HERC2: variants seen among roughly 807,000 people sequenced by gnomAD.
HERC2 encodes E3 ubiquitin-protein ligase HERC2.
HERC2 carries 102 observed loss-of-function variants against 537.7 expected under a neutral mutation model. The ratio of observed to expected loss-of-function variants is 0.19; its 90% CI spans 0.16 to 0.22. HERC2 has a LOEUF of 0.22. Ranked by LOEUF, HERC2 falls within the 10% of genes least tolerant of loss-of-function variation. The probability of loss-of-function intolerance (pLI) is 1.00; values close to 1 mark genes in which losing one functional copy is unlikely to be tolerated. For synonymous variants in HERC2, 2,224 were observed against 2,466.2 expected, an observed-to-expected ratio of 0.90 and a Z score of 2.91; for missense variants, 4,236 against 6,198.2, an observed-to-expected ratio of 0.68 and a Z score of 10.63.
chr15:28,125,247 T>C (rs1889348743), intron 83 of HERC2, 54 bp from the exon 84 acceptor site: 1 of 1,417,800 alleles, frequency 7.1e-7, no homozygotes, highest in Admixed American at 1.7e-5. Flanking sequence ...AACAAACGCA[T>C]GGCTGCCAGT....
intron 4 of HERC2, among the ~76,000 whole-genome samples, chr15:28,291,072 AAG>A (rs1293041156): frequency 5.9e-5 from 9 of 152,260 alleles, no homozygotes; most frequent in Admixed American, 1.3e-4. Context: ...TCCAAACGGA[AAG>A]AGAGAAAATA....
At chr15:28,219,404 G>C (rs1278591638) in intron 37 of HERC2, among the ~76,000 whole-genome samples, 1 of 152,258 alleles carries the variant, frequency 6.6e-6, no homozygotes. Context: ...AGGCAAGGGA[G>C]GCTGAGGGAG....
chr15:28,152,661 G>C lies in HERC2; in HGVS notation c.10900+16C>G. ...TGGGAAAGGCTGCAGCTCCCCGCTG[G>C]GGCCAGCCCCTGTACCTGGTATCTT... is the stretch of plus-strand genomic sequence containing the variant. On this transcript the variant is annotated intron_variant, in intron 70 of 92. Coordinates refer to ENST00000261609, the MANE Select transcript of HERC2 (RefSeq NM_004667.6). The C allele has an allele frequency of 2.6e-6, 4 of 1,528,230 alleles. No individual in the cohort carries two copies. The highest frequency in any genetic ancestry group is 2.7e-6 in the Non-Finnish European group (3 of 1,131,618). 94.7% of individuals were successfully genotyped at this position (1,528,230 alleles called of 1,614,324 possible).
rs765535190 is a variant in HERC2 at position 28,142,258 on chromosome 15, G to C, written c.11680C>G (p.Pro3894Ala). The change falls in exon 76 of 93, where the codon CCC (proline) becomes GCC (alanine). Residue 3894 changes from proline to alanine, a missense_variant. Pro to Ala is a conservative substitution (Grantham distance 27). This residue lies in a region of HERC2 where 156 missense variants were observed against 172.3 expected (regional missense o/e 0.91). Transcript: ENST00000261609. ...AVALDKRTPLPRLFLDEVAKK... is the reference protein window; with the variant it reads ...AVALDKRTPLARLFLDEVAKK... ...AATACCTCATCAAGAAACAGACGGGGCAACGGTGTTCTTTTGTCAAGGGCC... is the reference window on the plus strand; with the variant it reads ...AATACCTCATCAAGAAACAGACGGGCCAACGGTGTTCTTTTGTCAAGGGCC... The C allele has an allele frequency of 1.9e-6, 3 of 1,614,176 alleles. No homozygotes were observed. Among genetic ancestry groups the C allele is most frequent in the Non-Finnish European group, 2.5e-6 (3 of 1,180,024 alleles).
chr15:28,151,121 T>C (rs1204989707), intron 70 of HERC2, among the ~76,000 whole-genome samples: 1 of 152,250 alleles, frequency 6.6e-6, no homozygotes, highest in Non-Finnish European at 1.5e-5. Flanking sequence ...TCAGTAATTA[T>C]ACTGATGTTG....
Position 28,256,271 on chromosome 15 carries a change from A to C in HERC2, c.2564T>G (p.Leu855Ter). The C allele has an allele frequency of 6.3e-7, 1 of 1,597,678 alleles. No homozygotes were observed. Among genetic ancestry groups the C allele is most frequent in the Non-Finnish European group, 8.5e-7 (1 of 1,179,746 alleles). ...GTTCAGGAGGATGCTGCCCAGACCT[A>C]AACCAAGGAATTCCGGGTCAACCTG... ...SHQVDPEFLG[L>*]GLGSILLNSL... Residue 855 changes from leucine (L) to a stop codon, truncating the protein, a stop_gained, in exon 18 of 93, where the codon TTA becomes TGA. Coordinates refer to ENST00000261609, the MANE Select transcript of HERC2 (RefSeq NM_004667.6). LOFTEE classifies it high-confidence loss of function.
chr15:28,283,032 C>CAAAAAAA (rs35092122), intron 4 of HERC2, among the ~76,000 whole-genome samples: 1 of 47,442 alleles, frequency 2.1e-5, no homozygotes, highest in African/African-American at 7.7e-5. Context: ...AATGTCCCAG[C>CAAAAAAA]AAAAAAAAAA....
chr15:28,321,121 T>G (rs1256070457), intron 2 of HERC2, among the ~76,000 whole-genome samples: 4 of 152,180 alleles, frequency 2.6e-5, no homozygotes, highest in African/African-American at 7.2e-5. Context: ...AAAAAAATTT[T>G]GCCTATTAAT....
chr15:28,146,487 T>A, intron 70 of HERC2, 143 bp from the exon 71 acceptor site: 1 of 640,848 alleles, frequency 1.6e-6, no homozygotes, highest in Non-Finnish European at 2.8e-6. Context: ...CATCTCAGAC[T>A]GACCACTCTT....
At chr15:28,294,722 C>T (rs548134431) in intron 3 of HERC2, among the ~76,000 whole-genome samples, 2 of 152,116 alleles carry the variant, frequency 1.3e-5, no homozygotes, top group African/African-American at 4.8e-5. Context: ...GTGCCTCCCA[C>T]AGCCCCTCGT....
At position 28,274,917 on chromosome 15, in the gene HERC2, C is replaced by A. The variant is rs765238372; in HGVS notation, c.631G>T (p.Ala211Ser). The part of the protein sequence containing the change: ...LSFAFAFLRR[A>S]WRSGEDADLC... ...CCAGGGACCGTACCTGATCGCCAGG[C>A]CCTGCGCAGGAAGGCAAAGGCAAAA... The change falls in exon 6 of 93, where the codon GCC (alanine) becomes TCC (serine). Residue 211 changes from alanine to serine, a missense_variant. Around this residue, in one of 27 missense-constraint regions of HERC2, gnomAD observed 491 missense variants for 559.3 expected, o/e 0.88. Coordinates refer to ENST00000261609, the MANE Select transcript of HERC2 (RefSeq NM_004667.6). 2.3e-5 allele frequency: 37 copies of A among 1,611,270 alleles called. No homozygotes were observed. Among genetic ancestry groups the A allele is most frequent in the Non-Finnish European group, 2.9e-5 (34 of 1,179,498 alleles).
intron 2 of HERC2, among the ~76,000 whole-genome samples, chr15:28,305,356 C>G (rs1472442230): frequency 1.3e-5 from 2 of 151,776 alleles, no homozygotes; most frequent in Admixed American, 1.3e-4. Context: ...CAGAACAGAG[C>G]CCTCAGAAAT....
At chr15:28,218,049 C>T (rs1158034870) in intron 38 of HERC2, among the ~76,000 whole-genome samples, 2 of 151,826 alleles carry the variant, frequency 1.3e-5, no homozygotes, top group African/African-American at 2.4e-5. Context: ...TATCGTACCT[C>T]GGCAGGTGAC....
At chr15:28,260,720 T>G in intron 16 of HERC2, 57 bp downstream of exon 16, 1 of 1,456,362 alleles carries the variant, frequency 6.9e-7, no homozygotes, top group Non-Finnish European at 9.5e-7. Flanking sequence ...ATACTGGTAA[T>G]GAACAACTGG....
intron 14 of HERC2, 70 bp from the exon 15 acceptor site, chr15:28,263,239 A>G: frequency 6.5e-7 from 1 of 1,528,226 alleles, no homozygotes; most frequent in South Asian, 1.2e-5. Context: ...ATGACTGCAA[A>G]TAATATAATG....
At chr15:28,232,984 G>A (rs1245642676) in intron 30 of HERC2, among the ~76,000 whole-genome samples, 162 bp downstream of exon 30, 7 of 152,110 alleles carry the variant, frequency 4.6e-5, no homozygotes, top group South Asian at 4.1e-4. Context: ...AAAAACAAGC[G>A]AGATTTCTGT....
chr15:28,254,330 T>G lies in HERC2; in HGVS notation c.3050+10A>C. The G allele has an allele frequency of 1.3e-6, 2 of 1,557,786 alleles. No individual in the cohort carries two copies. Among genetic ancestry groups the G allele is most frequent in the Non-Finnish European group, 1.7e-6 (2 of 1,151,016 alleles). ...ATAACATATAATACAATACAGCTAC[T>G]ACGATTTACCTAAGAAGCTGTTGTA... is the stretch of plus-strand genomic sequence containing the variant. On this transcript the variant is annotated intron_variant, in intron 20 of 92. Transcript: ENST00000261609.
chr15:28,297,354 G>A (rs1212613317), intron 3 of HERC2, among the ~76,000 whole-genome samples: 1 of 150,840 alleles, frequency 6.6e-6, no homozygotes, highest in Non-Finnish European at 1.5e-5. Context: ...TTTTATCTCT[G>A]GAAAGAAAAA....
At position 28,142,829 on chromosome 15, in the gene HERC2, T is replaced by G. The variant is rs1382059214; in HGVS notation, c.11542A>C (p.Lys3848Gln). ...TTAAAAAAGAAGTGAAACATTACCTTAAAGAATGGGCTGTGGAGCAGCTGT... is the reference window on the plus strand; with the variant it reads ...TTAAAAAAGAAGTGAAACATTACCTGAAAGAATGGGCTGTGGAGCAGCTGT... ...GKQLLHSPFF[K>Q]VLVALACDLE... The change falls in exon 75 of 93, where the codon AAG becomes CAG. Residue 3848 changes from lysine to glutamine, a missense_variant and splice_region_variant. By Grantham distance (53) the Lys-to-Gln change is moderately conservative. Transcript: ENST00000261609. 11 of 1,541,204 alleles carry G rather than the reference T, an allele frequency of 7.1e-6. No homozygotes were observed. Among genetic ancestry groups the G allele is most frequent in the Non-Finnish European group, 8.8e-6 (10 of 1,136,138 alleles).
Sources: gnomAD v4.1 joint callset for allele counts (sites outside exome capture counted in the v4.1 genomes callset) on GRCh38, gnomAD v4.1.1 for gene constraint, gnomAD v4.1.1 regional missense constraint, MANE v1.5 for transcripts, NCBI Gene and HGNC (gene_info 2026-07-23, HGNC 2026-07-21) for gene names.